Variants in SPON1 observed in about 807,000 individuals in gnomAD.
The protein encoded by SPON1 is spondin 1, also known as spondin-1.
A neutral mutation model predicts 111.7 loss-of-function variants in SPON1; 52 were observed. That is an observed-to-expected ratio of 0.47 (90% confidence interval 0.37 to 0.59). The LOEUF (loss-of-function observed/expected upper bound fraction) is 0.59. SPON1 is among the 20% of genes least tolerant of loss of function. SPON1 has a pLI of 0.00. For synonymous variants in SPON1, 410 were observed against 395.8 expected (o/e 1.04, Z -0.43); for missense variants, 957 against 1,068.5 (o/e 0.90, Z 1.46).
intron 2 of SPON1, among the ~76,000 whole-genome samples, chr11:14,005,188 T>C (rs1395647563): frequency 6.6e-6 from 1 of 152,214 alleles, no homozygotes; most frequent in African/African-American, 2.4e-5. Flanking sequence ...TTTTCTCTTC[T>C]AGGAGATTTA....
At chr11:14,039,444 G>T (rs1432948769) in intron 2 of SPON1, among the ~76,000 whole-genome samples, 3 of 152,124 alleles carry the variant, frequency 2.0e-5, no homozygotes, top group Non-Finnish European at 4.4e-5. Context: ...GTGTGTAGGG[G>T]TGAAGGGACA....
chr11:13,971,183 G>C (rs1310378809), intron 1 of SPON1, among the ~76,000 whole-genome samples: 1 of 152,198 alleles, frequency 6.6e-6, no homozygotes. Flanking sequence ...TGCCACAGGG[G>C]CGTTGGCCAG....
intron 3 of SPON1, among the ~76,000 whole-genome samples, chr11:14,061,723 ACAGT>A (rs782545195): frequency 5.3e-5 from 8 of 152,246 alleles, no homozygotes; most frequent in Non-Finnish European, 7.3e-5. Context: ...TATTTAGTCA[ACAGT>A]CAGATTGCAG....
intron 2 of SPON1, among the ~76,000 whole-genome samples, chr11:14,006,474 G>A (rs767657139): frequency 5.9e-5 from 9 of 152,148 alleles, no homozygotes; most frequent in Non-Finnish European, 1.0e-4. Context: ...GAGAGATCAG[G>A]AAGGCTGCTC....
chr11:14,195,099 C>G (rs1470632155), intron 6 of SPON1, among the ~76,000 whole-genome samples: 1 of 152,198 alleles, frequency 6.6e-6, no homozygotes, highest in Non-Finnish European at 1.5e-5. Flanking sequence ...CATGTAATTA[C>G]TAAGTAGCCA....
intron 2 of SPON1, among the ~76,000 whole-genome samples, chr11:14,005,266 A>G (rs1223312183): frequency 3.3e-5 from 5 of 152,168 alleles, no homozygotes; most frequent in Non-Finnish European, 7.3e-5. Flanking sequence ...GGTTGGCAGC[A>G]CCCCTGGCCC....
At chr11:14,194,567 C>CACACACACA (rs150398912) in intron 6 of SPON1, among the ~76,000 whole-genome samples, 2 of 139,306 alleles carry the variant, frequency 1.4e-5, no homozygotes, top group Non-Finnish European at 3.1e-5. Context: ...CACACACACA[C>CACACACACA]GGACTGCCTG....
At chr11:14,008,345 T>C (rs1407670358) in intron 2 of SPON1, among the ~76,000 whole-genome samples, 3 of 152,038 alleles carry the variant, frequency 2.0e-5, no homozygotes, top group Admixed American at 6.5e-5. Context: ...ACATTTTTCT[T>C]CCTACCATTT....
At position 14,265,823 on chromosome 11, in the gene SPON1, G is replaced by A; in HGVS notation, c.*136G>A. ...AGTGTGGTTCGCCCAGTAGTCTTGT[G>A]GATGCCAGAGACATCCTTTCTGAAT... On this transcript the variant is annotated 3_prime_UTR_variant, in exon 16 of 16. Coordinates refer to ENST00000576479, the MANE Select transcript of SPON1 (RefSeq NM_006108.4). 1 of 1,005,582 alleles carries A rather than the reference G, an allele frequency of 9.9e-7. No individual in the cohort carries two copies. The highest frequency in any genetic ancestry group is 1.4e-6 in the Non-Finnish European group (1 of 695,482). The allele number at this position is 1,005,582 out of a possible 1,614,324, so 62.3% of individuals were successfully genotyped here.
chr11:14,253,820 A>T (rs781999245), intron 7 of SPON1, among the ~76,000 whole-genome samples: 2 of 152,198 alleles, frequency 1.3e-5, no homozygotes, highest in Non-Finnish European at 2.9e-5. Context: ...CAGGATTGTC[A>T]TGAGGGGAAA....
At chr11:14,042,037 G>A (rs1380088839) in intron 3 of SPON1, among the ~76,000 whole-genome samples, 3 of 151,760 alleles carry the variant, frequency 2.0e-5, no homozygotes, top group South Asian at 2.1e-4. Flanking sequence ...AGGCTGCCCC[G>A]AGACCCACAT....
intron 2 of SPON1, among the ~76,000 whole-genome samples, chr11:14,040,903 A>G (rs1311174936): frequency 1.3e-5 from 2 of 152,172 alleles, no homozygotes; most frequent in Admixed American, 6.5e-5. Flanking sequence ...CCCAGAAGCA[A>G]CAGGCAGGAG....
intron 2 of SPON1, among the ~76,000 whole-genome samples, chr11:14,028,323 A>C (rs1387794926): frequency 6.6e-6 from 1 of 151,890 alleles, no homozygotes; most frequent in African/African-American, 2.4e-5. Flanking sequence ...ACAAAATATA[A>C]AAAATAAAAA....
At chr11:14,065,078 A>C (rs1441634594) in intron 3 of SPON1, among the ~76,000 whole-genome samples, 1 of 151,938 alleles carries the variant, frequency 6.6e-6, no homozygotes, top group South Asian at 2.1e-4. Context: ...CCCCTCCCAC[A>C]CCTCCAACCC....
chr11:14,160,429 ATT>A (rs1847899426), intron 6 of SPON1, among the ~76,000 whole-genome samples: 2 of 29,984 alleles, frequency 6.7e-5, no homozygotes, highest in South Asian at 1.0e-3. Context: ...ATATATATAT[ATT>A]TATATATATA....
intron 6 of SPON1, among the ~76,000 whole-genome samples, chr11:14,198,647 C>T (rs1848427825): frequency 6.6e-6 from 1 of 152,208 alleles, no homozygotes; most frequent in Non-Finnish European, 1.5e-5. Flanking sequence ...ATGACAATCC[C>T]ACTCATTCAG....
At chr11:14,178,074 A>ACACACACACG (rs1380780129) in intron 6 of SPON1, among the ~76,000 whole-genome samples, 3 of 150,824 alleles carry the variant, frequency 2.0e-5, no homozygotes, top group African/African-American at 7.4e-5. Context: ...ACACACACAC[A>ACACACACACG]CGCTTTGGTC....
At chr11:14,037,497 A>G (rs972108455) in intron 2 of SPON1, among the ~76,000 whole-genome samples, 1 of 149,996 alleles carries the variant, frequency 6.7e-6, no homozygotes, top group African/African-American at 2.5e-5. Context: ...TTTTCAACAA[A>G]TGGTGCTGAA....
chr11:14,056,662 G>A (rs1180478317), intron 3 of SPON1, among the ~76,000 whole-genome samples: 2 of 152,168 alleles, frequency 1.3e-5, no homozygotes, highest in Non-Finnish European at 2.9e-5. Flanking sequence ...GGCTGAGGCA[G>A]GTGGATCACG....
Sources: gnomAD v4.1 joint callset for allele counts (sites outside exome capture counted in the v4.1 genomes callset) on GRCh38, gnomAD v4.1.1 for gene constraint, MANE v1.5 for transcripts, NCBI Gene and HGNC (gene_info 2026-07-23, HGNC 2026-07-21) for gene names.